Variants in NLRP7 observed in about 807,000 individuals in gnomAD.
NLRP7 encodes NACHT, LRR and PYD domains-containing protein 7.
A neutral mutation model predicts 85.5 loss-of-function variants in NLRP7; 72 were observed. The ratio of observed to expected loss-of-function variants is 0.84; its 90% CI spans 0.70 to 1.02. NLRP7 has a LOEUF of 1.02. Ranked by LOEUF, NLRP7 falls within the 50% of genes least tolerant of loss-of-function variation. The probability of loss-of-function intolerance (pLI) is 0.00; values close to 1 mark genes in which losing one functional copy is unlikely to be tolerated. For synonymous variants in NLRP7, 550 were observed against 505.2 expected (o/e 1.09, Z -1.19); for missense variants, 1,243 against 1,219.5 (o/e 1.02, Z -0.29).
chr19:54,940,214 G>A (rs771069246), exon 4 of NLRP7: 5 of 1,614,158 alleles, frequency 3.1e-6, no homozygotes, highest in South Asian at 2.2e-5. Context: ...TCTGAGCGTC[G>A]GGCTGAGGTT....
rs113252312 is a variant in NLRP7, at chr19:54,929,680, T to A, written c.2810+819A>T. Among the ~76,000 whole-genome samples, 414 of 152,280 alleles carry A rather than the reference T, an allele frequency of 2.7e-3. 1 individual carries two copies. The highest frequency in any genetic ancestry group is 9.4e-3 in the African/African-American group (390 of 41,570). ...AAGCAGCATGCTGCTGAAGTCCAGG[T>A]CACTGGGGGCCATTGTTATATATAT... On this transcript the variant is annotated intron_variant, in intron 9 of 9. Coordinates refer to ENST00000340844, the Ensembl canonical transcript of NLRP7.
exon 4 of NLRP7, chr19:54,939,356 T>C (rs750433221): frequency 6.2e-7 from 1 of 1,613,388 alleles, no homozygotes; most frequent in African/African-American, 1.3e-5. Context: ...GTCCCTGTCC[T>C]CCCCCTCCTC....
rs1221180211 is a variant in NLRP7, at chr19:54,945,116, G to A, written c.-40+2353C>T. ...AAATTAGCCGGGCATGGTGGCGGGC[G>A]CCTGTAGTCCCAGCTACTTGGGAGG... On this transcript the variant is annotated intron_variant, in intron 1 of 9. Transcript: ENST00000340844. Among the ~76,000 whole-genome samples, 5 of 151,112 alleles carry A rather than the reference G, an allele frequency of 3.3e-5. No individual in the cohort carries two copies. In the South Asian group the frequency reaches 6.2e-4, roughly 19 times the overall value.
In NLRP7 at chr19:54,965,081, T is replaced by C. The variant is rs2070298252; in HGVS notation, c.-77+959A>G. 2.0e-5 allele frequency: 2 copies of C among 101,538 alleles called. 1 individual carries two copies. Among genetic ancestry groups the C allele is most frequent in the East Asian group, 5.3e-4 (2 of 3,766 alleles). The allele number at this position is 101,538 out of a possible 1,614,324, so 6.3% of individuals were successfully genotyped here. A position where few individuals can be genotyped will look rare whatever the true frequency, so the allele number is the denominator to read the frequency against. The stretch of plus-strand genomic sequence containing the variant: ...GTCTGGGCAGTCCCAGTGTAACCAA[T>C]CAAGCAGAATCTCTAGGCGTTCGTG... On this transcript the variant is annotated intron_variant, in intron 1 of 2. Transcript: ENST00000587103.
intron 1 of NLRP7, chr19:54,965,206 A>C (rs1602265843): frequency 6.4e-5 from 6 of 93,848 alleles, no homozygotes; most frequent in Non-Finnish European, 8.8e-5. Flanking sequence ...GCCCCCCAAC[A>C]CCCCCCGCCC....
chr19:54,961,978 G>T (rs2146288464), intron 1 of NLRP7, among the ~76,000 whole-genome samples: 1 of 150,950 alleles, frequency 6.6e-6, no homozygotes, highest in South Asian at 2.1e-4. Context: ...GGCCAAAAGG[G>T]TATGGTGAAA....
At chr19:54,943,606 G>C (rs543853414) in intron 1 of NLRP7, among the ~76,000 whole-genome samples, 18 of 151,790 alleles carry the variant, frequency 1.2e-4, no homozygotes, top group East Asian at 1.9e-4. Context: ...GTCTGGGTTG[G>C]GGGGGCGGGG....
chr19:54,955,624 A>G (rs1400547160), intron 1 of NLRP7, among the ~76,000 whole-genome samples: 4 of 152,128 alleles, frequency 2.6e-5, no homozygotes, highest in Non-Finnish European at 5.9e-5. Context: ...CCCCATCTCT[A>G]CAAAAAATAC....
In NLRP7 at chr19:54,939,081, C is replaced by A. The variant is rs761516074; in HGVS notation, c.1738G>T (p.Glu580Ter). 1.9e-6 allele frequency: 3 copies of A among 1,614,102 alleles called. No homozygotes were observed. The highest frequency in any genetic ancestry group is 2.5e-6 in the Non-Finnish European group (3 of 1,180,052). Residue 580 changes from glutamate to a stop codon, truncating the protein, a stop_gained, in exon 4 of 10, where the codon GAG (glutamate) becomes TAG (stop). Coordinates refer to ENST00000340844, the Ensembl canonical transcript of NLRP7. LOFTEE classifies it high-confidence loss of function. ...ACCACCACCTTCGCCAGCTCCTCCT[C>A]CTGAGACTCATACAGGCAGCCCAAG... is the stretch of plus-strand genomic sequence containing the variant.
At chr19:54,947,552 G>C, upstream of NLRP7, 1 of 1,289,438 alleles carries the variant, frequency 7.8e-7, no homozygotes, top group Non-Finnish European at 1.0e-6. Flanking sequence ...CCCTTGGTAC[G>C]CTAGGTGGAG....
At chr19:54,965,629 G>T (rs2070343139) in intron 1 of NLRP7, among the ~76,000 whole-genome samples, 1 of 16 alleles carries the variant, frequency 0.062, no homozygotes. Flanking sequence ...CTAATTTTTT[G>T]TATTTTTAGT....
At chr19:54,926,031 CAGACTCCGTCTCAAAAAAA>C (rs574670066) in intron 9 of NLRP7, among the ~76,000 whole-genome samples, 31 of 150,570 alleles carry the variant, frequency 2.1e-4, no homozygotes, top group East Asian at 1.4e-3. Flanking sequence ...AAAAAAAAGA[CAGACTCCGTCTCAAAAAAA>C]AGACTCCGTC....
At chr19:54,926,916 TAAA>T (rs74177884) in intron 9 of NLRP7, among the ~76,000 whole-genome samples, 7 of 26,606 alleles carry the variant, frequency 2.6e-4, no homozygotes, top group Admixed American at 1.5e-3. Flanking sequence ...ACTCTGTCTT[TAAA>T]AAAAAAAAAA....
intron 1 of NLRP7, among the ~76,000 whole-genome samples, chr19:54,942,933 T>C (rs1395080646): frequency 6.7e-6 from 1 of 150,030 alleles, no homozygotes; most frequent in African/African-American, 2.5e-5. Context: ...GATCGCCTGA[T>C]GTCAGGAGTT....
In NLRP7 at chr19:54,936,413, A is replaced by G. The variant is rs375071943; in HGVS notation, c.2148T>C (p.Pro716=). The G allele has an allele frequency of 8.1e-6, 13 of 1,614,108 alleles. No homozygotes were observed. The East Asian group carries it at 2.9e-4, about 36-fold the overall frequency. The change falls in exon 6 of 10, where the codon CCT becomes CCC. Residue 716 remains proline (P), a synonymous_variant. Transcript: ENST00000340844. ...GACAGAAGTCCCGGTACGCGGTGTC[A>G]GGGGTGACGTTTTTAATCCTAGGGA...
At chr19:54,962,976 G>A (rs1246112338) in intron 1 of NLRP7, among the ~76,000 whole-genome samples, 1 of 152,136 alleles carries the variant, frequency 6.6e-6, no homozygotes, top group African/African-American at 2.4e-5. Context: ...GCTGACAGCT[G>A]TTTGTGATCT....
At chr19:54,940,953 T>A in exon 3 of NLRP7, 1 of 1,612,766 alleles carries the variant, frequency 6.2e-7, no homozygotes, top group Non-Finnish European at 8.5e-7. Flanking sequence ...ACTCCGAGTC[T>A]TCTTCTGCAT....
intron 2 of NLRP7, among the ~76,000 whole-genome samples, 192 bp downstream of exon 2, chr19:54,941,243 G>A (rs374547721): frequency 4.0e-5 from 6 of 151,232 alleles, no homozygotes; most frequent in East Asian, 1.9e-4. Context: ...GGTGAAACAC[G>A]CCTGTAATCC....
chr19:54,930,883 C>G (rs976463039), intron 8 of NLRP7, among the ~76,000 whole-genome samples: 1 of 152,016 alleles, frequency 6.6e-6, no homozygotes, highest in Non-Finnish European at 1.5e-5. Context: ...TATAACCAGA[C>G]TTGGTGGTGC....
Sources: gnomAD v4.1 joint callset for allele counts (sites outside exome capture counted in the v4.1 genomes callset) on GRCh38, gnomAD v4.1.1 for gene constraint, MANE v1.5 for transcripts, NCBI Gene and HGNC (gene_info 2026-07-23, HGNC 2026-07-21) for gene names.